RGPD2: variants seen among roughly 807,000 people sequenced by gnomAD.
The protein encoded by RGPD2 is RANBP2 like and GRIP domain containing 2, also known as RANBP2-like and GRIP domain-containing protein 2.
RGPD2 carries 2 observed loss-of-function variants against 36.0 expected under a neutral mutation model. The observed-to-expected ratio is 0.06, with a 90% CI of 0.02 to 0.17. The LOEUF (loss-of-function observed/expected upper bound fraction) is 0.17. Among genes scored for constraint, RGPD2 ranks in the 10% least tolerant of loss-of-function variants. RGPD2 has a pLI of 1.00. For synonymous variants in RGPD2, 19 were observed against 163.8 expected (o/e 0.12, Z 6.75); for missense variants, 40 against 464.3 (o/e 0.09, Z 8.40).
the RGPD2 span, among the ~76,000 whole-genome samples, chr2:87,955,012 T>G: frequency 5.4e-5 from 2 of 36,902 alleles, no homozygotes; most frequent in Non-Finnish European, 1.1e-4. Flanking sequence ...TTTTTTTTTT[T>G]TTTTTTTTGT....
the RGPD2 span, among the ~76,000 whole-genome samples, chr2:87,867,714 T>C: frequency 1.3e-5 from 2 of 151,428 alleles, no homozygotes; most frequent in East Asian, 1.9e-4. Flanking sequence ...AATTTGAGAA[T>C]TTAACAAGCA....
chr2:87,985,837 C>T, the RGPD2 span: 6 of 1,611,000 alleles, frequency 3.7e-6, no homozygotes, highest in South Asian at 1.1e-5. Context: ...GCACTGTGGA[C>T]ATTGTACCAC....
At chr2:87,883,932 G>A in the RGPD2 span, among the ~76,000 whole-genome samples, 1 of 150,730 alleles carries the variant, frequency 6.6e-6, no homozygotes, top group African/African-American at 2.4e-5. Flanking sequence ...TAAACTACAC[G>A]TAAGAACAAA....
At chr2:87,984,701 C>T in the RGPD2 span, among the ~76,000 whole-genome samples, 22,885 of 145,222 alleles carry the variant, frequency 0.16, 1,909 homozygotes, top group Non-Finnish European at 0.22. Context: ...GAGGCTGAGA[C>T]GGGCAGATCA....
the RGPD2 span, among the ~76,000 whole-genome samples, chr2:87,960,562 T>C: frequency 6.3e-5 from 1 of 15,854 alleles, no homozygotes; most frequent in Non-Finnish European, 1.3e-4. Context: ...AATATGAGCA[T>C]GCAAACAAAT....
the RGPD2 span, among the ~76,000 whole-genome samples, chr2:87,885,265 C>T: frequency 6.6e-5 from 10 of 152,050 alleles, no homozygotes; most frequent in Non-Finnish European, 1.5e-4. Flanking sequence ...ACCATCATCT[C>T]AATAGATACA....
chr2:87,834,665 A>G, the RGPD2 span, among the ~76,000 whole-genome samples: 4 of 152,082 alleles, frequency 2.6e-5, no homozygotes, highest in African/African-American at 7.2e-5. Flanking sequence ...ACACATAAAC[A>G]TTGCTGAGAA....
At chr2:87,872,300 T>A in the RGPD2 span, among the ~76,000 whole-genome samples, 1 of 152,080 alleles carries the variant, frequency 6.6e-6, no homozygotes, top group Non-Finnish European at 1.5e-5. Context: ...TTAGAAGATG[T>A]GTTAGGAAGC....
the RGPD2 span, among the ~76,000 whole-genome samples, chr2:87,839,341 TC>T: frequency 6.6e-6 from 1 of 152,042 alleles, no homozygotes; most frequent in Non-Finnish European, 1.5e-5. Flanking sequence ...CTAATAACAG[TC>T]AGAATGGCTA....
chr2:87,876,997 C>T, the RGPD2 span, among the ~76,000 whole-genome samples: 26 of 152,384 alleles, frequency 1.7e-4, no homozygotes, highest in African/African-American at 5.8e-4. Flanking sequence ...GATTTAACAT[C>T]TGTTTTGTCA....
chr2:87,873,705 G>A, the RGPD2 span, among the ~76,000 whole-genome samples: 1 of 152,106 alleles, frequency 6.6e-6, no homozygotes, highest in Non-Finnish European at 1.5e-5. Flanking sequence ...AGGAAAAGGA[G>A]GAGCAAAGGC....
intron 1 of RGPD2, among the ~76,000 whole-genome samples, chr2:87,824,742 G>GGCCGCCGCCGCCGCCGCCGCCGCCGCC (rs1329887497): frequency 1.1e-5 from 1 of 87,702 alleles, no homozygotes; most frequent in African/African-American, 4.2e-5. Context: ...GCCAGGCCGA[G>GGCCGCCGCCGCCGCCGCCGCCGCCGCC]GCCGCCGCCG....
chr2:87,915,460 CAT>C, the RGPD2 span, among the ~76,000 whole-genome samples: 19 of 134,552 alleles, frequency 1.4e-4, no homozygotes, highest in Non-Finnish European at 2.6e-4. Flanking sequence ...CACATATACA[CAT>C]ATATGTGTAT....
chr2:87,948,088 T>C, the RGPD2 span, among the ~76,000 whole-genome samples: 66 of 152,266 alleles, frequency 4.3e-4, no homozygotes, highest in Admixed American at 4.3e-3. Flanking sequence ...TTACATTAGG[T>C]TGGTGCAAAA....
chr2:87,961,659 G>T, the RGPD2 span, among the ~76,000 whole-genome samples: 36 of 124,724 alleles, frequency 2.9e-4, 1 homozygote, highest in East Asian at 8.6e-3. Flanking sequence ...CTGAGATCGC[G>T]CCACTGCACT....
chr2:87,963,755 A>T, the RGPD2 span, among the ~76,000 whole-genome samples: 185 of 126,302 alleles, frequency 1.5e-3, 1 homozygote, highest in African/African-American at 6.2e-3. Context: ...TCACCTAGTA[A>T]AAATGGTATC....
the RGPD2 span, among the ~76,000 whole-genome samples, chr2:87,916,408 G>GA: frequency 6.0e-3 from 721 of 120,050 alleles, 2 homozygotes; most frequent in African/African-American, 0.023. Context: ...TAAAACGGAG[G>GA]AAAAAAAAAA....
chr2:87,915,352 A>ATATTGTATATATATATATG, the RGPD2 span, among the ~76,000 whole-genome samples: 3 of 134,986 alleles, frequency 2.2e-5, no homozygotes, highest in Non-Finnish European at 4.7e-5. Context: ...TGTATATTAT[A>ATATTGTATATATATATATG]TATATTATAT....
chr2:87,948,282 A>G, the RGPD2 span, among the ~76,000 whole-genome samples: 2 of 151,716 alleles, frequency 1.3e-5, no homozygotes, highest in South Asian at 2.1e-4. Flanking sequence ...GTAATAATTC[A>G]TGTAAAATCT....
Sources: gnomAD v4.1 joint callset for allele counts (sites outside exome capture counted in the v4.1 genomes callset) on GRCh38, gnomAD v4.1.1 for gene constraint, MANE v1.5 for transcripts, NCBI Gene and HGNC (gene_info 2026-07-23, HGNC 2026-07-21) for gene names.